The following CLEC12A variants were observed in gnomAD, a reference collection of about 807,000 sequenced individuals.
CLEC12A encodes C-type lectin protein CLL-1.
Under a neutral mutation model 26.5 loss-of-function variants are expected in CLEC12A, and 22 were observed. The observed-to-expected ratio is 0.83, with a 90% CI of 0.59 to 1.19. The LOEUF (loss-of-function observed/expected upper bound fraction) is 1.19. CLEC12A is among the 50% of genes most tolerant of loss of function. The probability of loss-of-function intolerance (pLI) is 0.00; values close to 1 mark genes in which losing one functional copy is unlikely to be tolerated. For missense variants in CLEC12A, 353 were observed against 315.6 expected (o/e 1.12, Z -0.90); for synonymous variants, 119 against 101.9 (o/e 1.17, Z -1.01).
chr12:9,993,433 A>C, intron 4 of CLEC12A: 1 of 706,190 alleles, frequency 1.4e-6, no homozygotes, highest in Non-Finnish European at 2.4e-6. Context: ...CTCATTGTTG[A>C]GAAAGTTCCA....
intron 1 of CLEC12A, among the ~76,000 whole-genome samples, chr12:9,972,352 A>G (rs987882412): frequency 6.6e-6 from 1 of 152,182 alleles, no homozygotes; most frequent in Admixed American, 6.5e-5. Flanking sequence ...TAAAATCATG[A>G]AATAAGTGGT....
chr12:9,974,133 A>G (rs1048936793), intron 1 of CLEC12A, among the ~76,000 whole-genome samples: 1 of 152,120 alleles, frequency 6.6e-6, no homozygotes, highest in Admixed American at 6.6e-5. Flanking sequence ...TTTCATCCCA[A>G]TAGTCACATG....
intron 4 of CLEC12A, 50 bp from the exon 5 acceptor site, chr12:9,981,970 T>C (rs1347819004): frequency 1.1e-6 from 1 of 923,438 alleles, no homozygotes; most frequent in South Asian, 1.5e-5. Context: ...TAATGTAAAA[T>C]ACAAAAGTAG....
chr12:9,982,062 G>T lies in CLEC12A; in HGVS notation c.574G>T (p.Gly192Ter), dbSNP rs376589201. The change falls in exon 5 of 6, where the codon GGA becomes TGA. Residue 192 changes from glycine (G) to a stop codon, truncating the protein, a stop_gained. Transcript: ENST00000304361. LOFTEE classifies it high-confidence loss of function. Reference protein sequence around the residue: ...SQSRSYDYWLGLSPEEDSTRG... With the variant: ...SQSRSYDYWL ...GAGTAGATCATATGACTATTGGCTG[G>T]GATTATCTCCTGAAGAAGATTCCAC... The T allele has an allele frequency of 1.3e-6, 2 of 1,599,802 alleles. No individual in the cohort carries two copies. Among genetic ancestry groups the T allele is most frequent in the African/African-American group, 2.7e-5 (2 of 74,482 alleles).
At chr12:9,995,328 T>G (rs150186745) in exon 5 of CLEC12A, 11 of 1,178,512 alleles carry the variant, frequency 9.3e-6, no homozygotes, top group Non-Finnish European at 1.4e-5. Context: ...TGATAAGACG[T>G]TGGACAAAAA....
At chr12:9,972,687 A>G (rs987913506) in intron 1 of CLEC12A, among the ~76,000 whole-genome samples, 12 of 152,240 alleles carry the variant, frequency 7.9e-5, no homozygotes, top group African/African-American at 2.7e-4. Flanking sequence ...TGCTATAAAC[A>G]GAAATTTCAC....
At chr12:9,993,354 G>T (rs538481148) in intron 4 of CLEC12A, 18 of 1,137,532 alleles carry the variant, frequency 1.6e-5, no homozygotes, top group Middle Eastern at 2.2e-4. Context: ...CAGACTCTGC[G>T]TATAGTAGTT....
Position 9,955,023 on chromosome 12 carries a change from C to T in CLEC12A, c.10+3667C>T, listed in dbSNP as rs111578339. 7.6e-4 allele frequency among the ~76,000 whole-genome samples: 116 copies of T among 152,206 alleles called. 1 individual carries two copies. The highest frequency in any genetic ancestry group is 2.7e-3 in the African/African-American group (111 of 41,542). On this transcript the variant is annotated intron_variant, in intron 1 of 6. Transcript: ENST00000355690. ...TTGATAAATAAGACTAATTTAATGT[C>T]GTTAGGTTAATAAAAATAGCTGAAA...
intron 1 of CLEC12A, among the ~76,000 whole-genome samples, chr12:9,978,653 A>G (rs898588493): frequency 6.6e-6 from 1 of 152,108 alleles, no homozygotes; most frequent in South Asian, 2.1e-4. Flanking sequence ...CACTATATCT[A>G]GGTTGACTGG....
At chr12:9,989,881 T>C (rs911718415), downstream of CLEC12A, among the ~76,000 whole-genome samples, 1 of 152,210 alleles carries the variant, frequency 6.6e-6, no homozygotes, top group African/African-American at 2.4e-5. Flanking sequence ...GCCAGTAGTC[T>C]TTTATCATTT....
chr12:9,967,815 C>T (rs1187622165), upstream of CLEC12A, among the ~76,000 whole-genome samples: 1 of 152,128 alleles, frequency 6.6e-6, no homozygotes, highest in East Asian at 1.9e-4. Context: ...CCAAGAAAAG[C>T]AGTACTTGTC....
chr12:9,983,975 G>A (rs955946693), intron 5 of CLEC12A: 13 of 239,052 alleles, frequency 5.4e-5, no homozygotes, highest in African/African-American at 3.0e-4. Flanking sequence ...TTTTGCAAAC[G>A]TAGAATATGT....
Position 9,995,144 on chromosome 12 carries a change from T to C in CLEC12A, n.1131T>C, listed in dbSNP as rs756843393. 1.9e-6 allele frequency: 3 copies of C among 1,612,578 alleles called. No individual in the cohort carries two copies. The Admixed American group carries it at 5.0e-5, about 27-fold the overall frequency. On this transcript the variant is annotated non_coding_transcript_exon_variant, in exon 5 of 5. Coordinates refer to the CLEC12A transcript ENST00000449959. Reference sequence around the variant, plus strand: ...TCTAAGTGTCCAGTGACTTACATATTTTCTGAGATAACCGAGCCATCCTCC... The same window carrying C: ...TCTAAGTGTCCAGTGACTTACATATCTTCTGAGATAACCGAGCCATCCTCC...
downstream of CLEC12A, among the ~76,000 whole-genome samples, chr12:9,988,316 T>C (rs1864816445): frequency 1.3e-5 from 2 of 152,160 alleles, no homozygotes; most frequent in Admixed American, 1.3e-4. Context: ...AAGGACTTCA[T>C]GTCTAAAACA....
At chr12:9,971,006 G>C (rs985513931), upstream of CLEC12A, among the ~76,000 whole-genome samples, 1 of 152,072 alleles carries the variant, frequency 6.6e-6, no homozygotes. Context: ...ACATGGCAAC[G>C]GAATGACACT....
At chr12:9,996,180 T>G (rs1358001405), downstream of CLEC12A, among the ~76,000 whole-genome samples, 1 of 152,192 alleles carries the variant, frequency 6.6e-6, no homozygotes, top group Non-Finnish European at 1.5e-5. Flanking sequence ...TTCTTAAAGC[T>G]TGAGCCACCG....
At chr12:9,968,227 T>A (rs1480893391), upstream of CLEC12A, among the ~76,000 whole-genome samples, 5 of 152,072 alleles carry the variant, frequency 3.3e-5, no homozygotes, top group Non-Finnish European at 1.5e-5. Context: ...AGGGGATTGA[T>A]CTCCCAAGGG....
chr12:9,999,010 C>T, downstream of CLEC12A: 1 of 1,346,556 alleles, frequency 7.4e-7, no homozygotes, highest in Non-Finnish European at 1.1e-6. Context: ...AATTAATTTC[C>T]AAATTATTGG....
chr12:9,957,701 T>G (rs1863765880), intron 1 of CLEC12A, among the ~76,000 whole-genome samples: 1 of 152,194 alleles, frequency 6.6e-6, no homozygotes, highest in African/African-American at 2.4e-5. Context: ...AGATATGCAT[T>G]TGTTTCAGAT....
Sources: allele counts gnomAD v4.1 joint callset (sites outside exome capture counted in the v4.1 genomes callset), GRCh38; gene constraint gnomAD v4.1.1; transcripts MANE v1.5; gene names NCBI Gene and HGNC (gene_info 2026-07-23, HGNC 2026-07-21).